The following BTBD9 variants were observed in gnomAD, a reference collection of about 807,000 sequenced individuals.
BTBD9 encodes BTB domain containing 9.
A neutral mutation model predicts 64.3 loss-of-function variants in BTBD9; 49 were observed. The ratio of observed to expected loss-of-function variants is 0.76; its 90% CI spans 0.61 to 0.97. The LOEUF (loss-of-function observed/expected upper bound fraction) is 0.97, where lower values mean the gene tolerates loss of function less well. Ranked by LOEUF, BTBD9 falls within the 50% of genes least tolerant of loss-of-function variation. BTBD9 has a pLI of 0.00. For missense variants in BTBD9, 598 were observed against 762.1 expected (o/e 0.78, Z 2.53); for synonymous variants, 260 against 274.7 (o/e 0.95, Z 0.53).
At chr6:38,433,676 C>T (rs140237140) in intron 6 of BTBD9, among the ~76,000 whole-genome samples, 2,007 of 152,086 alleles carry the variant, frequency 0.013, 90 homozygotes, top group African/African-American at 0.046. Flanking sequence ...GTGAAATAAA[C>T]AGCCTTGTTG....
At chr6:38,544,330 A>C (rs1774431179) in intron 6 of BTBD9, among the ~76,000 whole-genome samples, 1 of 152,116 alleles carries the variant, frequency 6.6e-6, no homozygotes, top group Non-Finnish European at 1.5e-5. Context: ...ATGGATACTG[A>C]GAGACAACTA....
intron 1 of BTBD9, among the ~76,000 whole-genome samples, chr6:38,617,952 G>T (rs1230928365): frequency 6.6e-6 from 1 of 152,116 alleles, no homozygotes; most frequent in South Asian, 2.1e-4. Flanking sequence ...AGGTTTTTGA[G>T]AATGTGGTGG....
chr6:38,536,976 G>C (rs1392452310), intron 6 of BTBD9, among the ~76,000 whole-genome samples: 1 of 152,036 alleles, frequency 6.6e-6, no homozygotes, highest in Non-Finnish European at 1.5e-5. Flanking sequence ...AGTATCACTG[G>C]ATTGTTTGTA....
intron 6 of BTBD9, among the ~76,000 whole-genome samples, chr6:38,433,366 C>T (rs914211150): frequency 6.6e-6 from 1 of 151,958 alleles, no homozygotes. Context: ...TGCACATATA[C>T]ATCCAGATGG....
At chr6:38,557,784 G>GC (rs1188780464) in intron 6 of BTBD9, among the ~76,000 whole-genome samples, 1 of 102,402 alleles carries the variant, frequency 9.8e-6, no homozygotes, top group African/African-American at 3.6e-5. Context: ...TTACAAATAA[G>GC]GGGGGTAAAG....
At chr6:38,256,615 A>T (rs2127535137) in intron 8 of BTBD9, 99 bp from the exon 9 acceptor site, 1 of 796,288 alleles carries the variant, frequency 1.3e-6, no homozygotes, top group African/African-American at 1.7e-5. Context: ...TTTGTTCAGC[A>T]CATTTCTAGG....
intron 6 of BTBD9, among the ~76,000 whole-genome samples, chr6:38,501,374 G>A (rs969998703): frequency 2.0e-5 from 3 of 152,174 alleles, no homozygotes; most frequent in Non-Finnish European, 4.4e-5. Flanking sequence ...ATCAAAAAAA[G>A]TTCAAAATCC....
chr6:38,376,818 G>A (rs1015969814), intron 6 of BTBD9, among the ~76,000 whole-genome samples: 4 of 152,052 alleles, frequency 2.6e-5, no homozygotes, highest in African/African-American at 9.7e-5. Flanking sequence ...TCTTGGAGTG[G>A]TTATACTTGT....
At chr6:38,439,681 C>G (rs1330060837) in intron 6 of BTBD9, among the ~76,000 whole-genome samples, 1 of 152,218 alleles carries the variant, frequency 6.6e-6, no homozygotes, top group African/African-American at 2.4e-5. Flanking sequence ...CCCTCCTCAG[C>G]CTCCCAAAGT....
At chr6:38,289,974 A>G (rs1761894630) in intron 7 of BTBD9, among the ~76,000 whole-genome samples, 1 of 152,188 alleles carries the variant, frequency 6.6e-6, no homozygotes, top group South Asian at 2.1e-4. Flanking sequence ...CTTACATTCA[A>G]GGTTTGTAGC....
chr6:38,371,446 T>A (rs973866799), intron 6 of BTBD9, among the ~76,000 whole-genome samples: 3 of 152,286 alleles, frequency 2.0e-5, no homozygotes, highest in South Asian at 2.1e-4. Flanking sequence ...GGGTAGACCG[T>A]GAGCCTTCCT....
At chr6:38,250,895 AC>A (rs1764371048) in intron 9 of BTBD9, among the ~76,000 whole-genome samples, 1 of 151,976 alleles carries the variant, frequency 6.6e-6, no homozygotes, top group Admixed American at 6.6e-5. Flanking sequence ...ACGTAGGGAA[AC>A]CCTGTTGGTG....
intron 7 of BTBD9, among the ~76,000 whole-genome samples, chr6:38,310,462 T>C (rs935532929): frequency 1.3e-5 from 2 of 152,218 alleles, no homozygotes; most frequent in South Asian, 4.2e-4. Context: ...ATTTATACTA[T>C]GTTCTGGGGG....
At chr6:38,621,988 G>A (rs1481294828) in intron 1 of BTBD9, among the ~76,000 whole-genome samples, 1 of 152,186 alleles carries the variant, frequency 6.6e-6, no homozygotes, top group African/African-American at 2.4e-5. Flanking sequence ...CTCCCCCTGG[G>A]GTGGTTAACG....
At chr6:38,520,182 A>T (rs1773216995) in intron 6 of BTBD9, among the ~76,000 whole-genome samples, 1 of 152,180 alleles carries the variant, frequency 6.6e-6, no homozygotes, top group Non-Finnish European at 1.5e-5. Flanking sequence ...GGCCAGGCAC[A>T]GTGGCTCACA....
rs978214117 is a variant in BTBD9 at position 38,332,228 on chromosome 6, G to A, written c.1264+12756C>T. ...TTTCTGCCTTTGCTTTTGTGCTGAG[G>A]AAGTTGTTCCTCACCTTGAGATAAG... On this transcript the variant is annotated intron_variant, in intron 7 of 10. Transcript: ENST00000481247. Among the ~76,000 whole-genome samples, 4 of 152,242 alleles carry A rather than the reference G, an allele frequency of 2.6e-5. No homozygotes were observed. In the East Asian group the frequency reaches 5.8e-4, roughly 22 times the overall value.
At chr6:38,540,295 A>C (rs1034488672) in intron 6 of BTBD9, among the ~76,000 whole-genome samples, 7 of 148,038 alleles carry the variant, frequency 4.7e-5, no homozygotes, top group African/African-American at 1.7e-4. Flanking sequence ...ATAAGTGCTA[A>C]GTAATAACAC....
chr6:38,295,171 G>T (rs1762113328), intron 7 of BTBD9, among the ~76,000 whole-genome samples: 1 of 151,544 alleles, frequency 6.6e-6, no homozygotes, highest in Non-Finnish European at 1.5e-5. Context: ...TTCTATTATT[G>T]TTGTTGTTGT....
intron 6 of BTBD9, among the ~76,000 whole-genome samples, chr6:38,478,205 C>T (rs1280100564): frequency 1.3e-5 from 2 of 152,166 alleles, no homozygotes; most frequent in Middle Eastern, 3.4e-3. Flanking sequence ...TGATTACGTG[C>T]GTATATATGT....
Sources: allele counts gnomAD v4.1 joint callset (sites outside exome capture counted in the v4.1 genomes callset), GRCh38; gene constraint gnomAD v4.1.1; transcripts MANE v1.5; gene names NCBI Gene and HGNC (gene_info 2026-07-23, HGNC 2026-07-21).